The following FRMD3 variants were observed in gnomAD, a reference collection of about 807,000 sequenced individuals.
The protein encoded by FRMD3 is FERM domain containing 3.
FRMD3 carries 33 observed loss-of-function variants against 70.2 expected under a neutral mutation model. That is an observed-to-expected ratio of 0.47 (90% CI 0.36 to 0.63). The LOEUF is 0.63. FRMD3 is among the 20% of genes least tolerant of loss of function. The pLI is 0.00. For missense variants in FRMD3, 632 were observed against 711.4 expected (o/e 0.89, Z 1.27); for synonymous variants, 279 against 255.9 (o/e 1.09, Z -0.86).
intron 3 of FRMD3, among the ~76,000 whole-genome samples, chr9:83,353,261 G>C (rs1246353391): frequency 3.1e-5 from 4 of 130,290 alleles, no homozygotes; most frequent in Non-Finnish European, 6.4e-5. Context: ...ATCCAGGCCT[G>C]ACGAGGCCAC....
chr9:83,266,288 C>A (rs1029450508), intron 13 of FRMD3, among the ~76,000 whole-genome samples: 9 of 152,136 alleles, frequency 5.9e-5, no homozygotes, highest in African/African-American at 2.2e-4. Flanking sequence ...TAATCAATTT[C>A]GTCTCAATTC....
At chr9:83,483,896 CA>C (rs1828626874) in intron 1 of FRMD3, among the ~76,000 whole-genome samples, 1 of 151,984 alleles carries the variant, frequency 6.6e-6, no homozygotes, top group African/African-American at 2.4e-5. Context: ...ATAAGGAATC[CA>C]AGGGCATGTT....
chr9:83,463,924 A>C (rs1198445080), intron 1 of FRMD3, among the ~76,000 whole-genome samples: 6 of 152,178 alleles, frequency 3.9e-5, no homozygotes, highest in Admixed American at 3.9e-4. Flanking sequence ...TGGTCACTAC[A>C]TCTCATAAGA....
intron 1 of FRMD3, among the ~76,000 whole-genome samples, chr9:83,393,671 C>G (rs1825730988): frequency 6.6e-6 from 1 of 151,946 alleles, no homozygotes. Context: ...GCCTAGATCT[C>G]TCACCTGCAC....
At chr9:83,287,249 A>AT in intron 13 of FRMD3, among the ~76,000 whole-genome samples, 1 of 152,184 alleles carries the variant, frequency 6.6e-6, no homozygotes. Flanking sequence ...ATCTGGAGAC[A>AT]TTTTTGGTTG....
At chr9:83,331,474 A>T (rs1216245343) in intron 6 of FRMD3, among the ~76,000 whole-genome samples, 2 of 152,174 alleles carry the variant, frequency 1.3e-5, no homozygotes, top group Non-Finnish European at 2.9e-5. Context: ...TAGGACAGGG[A>T]AACTACTCTG....
At chr9:83,492,409 AT>A (rs951552843) in intron 1 of FRMD3, among the ~76,000 whole-genome samples, 9 of 152,172 alleles carry the variant, frequency 5.9e-5, no homozygotes, top group African/African-American at 1.9e-4. Flanking sequence ...AGTTTGGGGA[AT>A]TTTTTTTACC....
At chr9:83,254,312 C>T (rs1832584874) in intron 13 of FRMD3, among the ~76,000 whole-genome samples, 1 of 149,146 alleles carries the variant, frequency 6.7e-6, no homozygotes, top group Non-Finnish European at 1.5e-5. Flanking sequence ...TGAGAGGAAT[C>T]ACTGGTTTTT....
chr9:83,499,117 G>A (rs1829008310), intron 1 of FRMD3, among the ~76,000 whole-genome samples: 1 of 152,162 alleles, frequency 6.6e-6, no homozygotes, highest in Admixed American at 6.5e-5. Flanking sequence ...ACTGGCCAGG[G>A]CACCCAAGCA....
At chr9:83,458,848 A>G (rs1263689764) in intron 1 of FRMD3, among the ~76,000 whole-genome samples, 1 of 152,250 alleles carries the variant, frequency 6.6e-6, no homozygotes, top group African/African-American at 2.4e-5. Context: ...TGGTGCAGAA[A>G]AAAAATTAAA....
Position 83,313,643 on chromosome 9 carries a change from C to T in FRMD3, c.684+17G>A, listed in dbSNP as rs1431492788. ...AAAACAACCATTATATGGTGACCTG[C>T]TGTGAGGGGCAGTTACCTTGCATGG... On this transcript the variant is annotated intron_variant, in intron 7 of 13. Coordinates refer to ENST00000304195, the MANE Select transcript of FRMD3 (RefSeq NM_174938.6). 6.3e-7 allele frequency: 1 copy of T among 1,595,500 alleles called. No homozygotes were observed.
chr9:83,564,017 C>G, the FRMD3 span, among the ~76,000 whole-genome samples: 14 of 152,250 alleles, frequency 9.2e-5, no homozygotes, highest in African/African-American at 3.1e-4. Flanking sequence ...CTTCCTTCAT[C>G]TGTATCAGTG....
chr9:83,283,540 A>T lies in FRMD3; in HGVS notation c.1195+7063T>A, dbSNP rs868169201. Among the ~76,000 whole-genome samples the T allele has an allele frequency of 1.4e-3, 142 of 98,732 alleles. 2 individuals are homozygous for T. Among genetic ancestry groups the T allele is most frequent in the African/African-American group, 5.3e-3 (137 of 25,968 alleles). The allele number at this position is 98,732 out of a possible 152,430, so 64.8% of individuals were successfully genotyped here. A position where few individuals can be genotyped will look rare whatever the true frequency, so the allele number is the denominator to read the frequency against. ...AGCGAGAATCCATCTCAAAAAAAAA[A>T]AAAAAAAATAATAATAATAATAATA... On this transcript the variant is annotated intron_variant, in intron 13 of 13. Transcript: ENST00000304195.
At chr9:83,338,139 G>C (rs2131148284) in intron 5 of FRMD3, among the ~76,000 whole-genome samples, 1 of 152,318 alleles carries the variant, frequency 6.6e-6, no homozygotes, top group South Asian at 2.1e-4. Context: ...GAAACCCTAA[G>C]GGCCAGTGTA....
intron 1 of FRMD3, among the ~76,000 whole-genome samples, chr9:83,421,890 TG>T: frequency 6.6e-6 from 1 of 152,292 alleles, no homozygotes; most frequent in Middle Eastern, 3.4e-3. Context: ...CACATGCTAA[TG>T]GACTCTCTCT....
chr9:83,371,374 T>C (rs1174806667), intron 3 of FRMD3, among the ~76,000 whole-genome samples: 1 of 151,922 alleles, frequency 6.6e-6, no homozygotes, highest in Non-Finnish European at 1.5e-5. Flanking sequence ...TGGAATGCAG[T>C]GGCATGATCT....
chr9:83,549,285 T>A, the FRMD3 span, among the ~76,000 whole-genome samples: 1 of 152,140 alleles, frequency 6.6e-6, no homozygotes, highest in South Asian at 2.1e-4. Flanking sequence ...TATATGATAT[T>A]GTTCTTTTTT....
intron 1 of FRMD3, among the ~76,000 whole-genome samples, chr9:83,524,186 T>C (rs1289750291): frequency 6.6e-6 from 1 of 152,226 alleles, no homozygotes; most frequent in East Asian, 1.9e-4. Context: ...AACTACAAGG[T>C]AAATTACATT....
chr9:83,524,842 A>C lies in FRMD3; in HGVS notation c.147+13243T>G, dbSNP rs558474739. On this transcript the variant is annotated intron_variant, in intron 1 of 13. Coordinates refer to ENST00000304195, the MANE Select transcript of FRMD3 (RefSeq NM_174938.6). Reference sequence around the variant, plus strand: ...CAAAGAACCAATAAATACTCCACTTATCATAACATTGTAGACAATACCTAC... The same window carrying C: ...CAAAGAACCAATAAATACTCCACTTCTCATAACATTGTAGACAATACCTAC... Among the ~76,000 whole-genome samples the C allele has an allele frequency of 1.2e-3, 186 of 152,304 alleles. 1 individual carries two copies. Among genetic ancestry groups the C allele is most frequent in the African/African-American group, 4.3e-3 (177 of 41,568 alleles).
Sources: gnomAD v4.1 joint callset for allele counts (sites outside exome capture counted in the v4.1 genomes callset) on GRCh38, gnomAD v4.1.1 for gene constraint, MANE v1.5 for transcripts, NCBI Gene and HGNC (gene_info 2026-07-23, HGNC 2026-07-21) for gene names.